NRP1: variants seen among roughly 807,000 people sequenced by gnomAD.
The protein encoded by NRP1 is neuropilin 1, also known as neuropilin-1.
In NRP1, 35 loss-of-function variants were observed where a neutral mutation model predicts 106.7. The observed-to-expected ratio is 0.33, with a 90% CI of 0.25 to 0.43. NRP1 has a LOEUF of 0.43. NRP1 is among the 20% of genes least tolerant of loss of function. The pLI is 1.00. For synonymous variants in NRP1, 437 were observed against 417.9 expected, an observed-to-expected ratio of 1.05 and a Z score of -0.56; for missense variants, 1,024 against 1,170.4, an observed-to-expected ratio of 0.87 and a Z score of 1.83.
chr10:33,315,401 T>G (rs1846951612), intron 2 of NRP1, among the ~76,000 whole-genome samples: 2 of 152,240 alleles, frequency 1.3e-5, no homozygotes, highest in Non-Finnish European at 1.5e-5. Context: ...GGTCTTCCTG[T>G]GCTGGAGGAA....
chr10:33,254,078 G>T lies in NRP1; in HGVS notation c.931C>A (p.Pro311Thr). Residue 311 changes from proline to threonine, a missense_variant, in exon 6 of 17, where the codon CCT (proline) becomes ACT (threonine). Physicochemically the swap from Pro to Thr is conservative, Grantham distance 38. Transcript: ENST00000374867. ...TCTCCGGGAGTCCACCCATTCTCAG[G>T]GTAGTTCAGGCGGGAGCGCTCTGCA... is the stretch of plus-strand genomic sequence containing the variant. ...WSAERSRLNY[P>T]ENGWTPGEDS... 6.2e-7 allele frequency: 1 copy of T among 1,613,802 alleles called. No individual in the cohort carries two copies. Among genetic ancestry groups the T allele is most frequent in the East Asian group, 2.2e-5 (1 of 44,854 alleles).
At position 33,185,577 on chromosome 10, in the gene NRP1, G is replaced by A. The variant is rs374828891; in HGVS notation, c.2431+51C>T. On this transcript the variant is annotated intron_variant, in intron 15 of 16. Transcript: ENST00000374867. Reference sequence around the variant, plus strand: ...AACAAAGACCATCATATTGGCAAGAGTCTTGCCCTGGGCAAGCACTCCATT... The same window carrying A: ...AACAAAGACCATCATATTGGCAAGAATCTTGCCCTGGGCAAGCACTCCATT... The A allele has an allele frequency of 5.9e-4, 806 of 1,370,482 alleles. 2 individuals carry two copies. The highest frequency in any genetic ancestry group is 7.8e-4 in the Non-Finnish European group (749 of 961,938). The allele number at this position is 1,370,482 out of a possible 1,614,324, so 84.9% of individuals were successfully genotyped here.
chr10:33,263,821 G>A lies in NRP1; in HGVS notation c.483C>T (p.Pro161=), dbSNP rs1489288132. The A allele has an allele frequency of 3.1e-6, 5 of 1,613,568 alleles. No homozygotes were observed. The highest frequency in any genetic ancestry group is 2.5e-6 in the Non-Finnish European group (3 of 1,179,528). ...YTTPSGVIKS[P]GFPEKYPNSL... is the part of the protein sequence containing the mutation. ...TGTTGGGATATTTTTCAGGGAATCC[G>A]GGGGACTTTATCACTCCACTAGGTG... Residue 161 remains proline (P), a synonymous_variant, in exon 4 of 17, where the codon CCC becomes CCT. Transcript: ENST00000374867.
At chr10:33,202,345 T>G in intron 11 of NRP1, 2 of 262,858 alleles carry the variant, frequency 7.6e-6, no homozygotes, top group East Asian at 8.0e-5. Context: ...CTCTGATGCA[T>G]TTGCTGGTCG....
intron 2 of NRP1, among the ~76,000 whole-genome samples, chr10:33,306,131 T>C (rs143579080): frequency 7.9e-5 from 12 of 152,338 alleles, no homozygotes; most frequent in African/African-American, 2.9e-4. Context: ...TGATTGTTTA[T>C]ATTAATTTGC....
chr10:33,194,446 T>C (rs1031569761), intron 12 of NRP1: 2 of 222,338 alleles, frequency 9.0e-6, no homozygotes, highest in African/African-American at 4.5e-5. Context: ...TCCATTCTTT[T>C]GGCTCTTCAT....
chr10:33,206,495 A>C (rs1837795384), intron 10 of NRP1: 2 of 314,848 alleles, frequency 6.4e-6, no homozygotes, highest in African/African-American at 4.3e-5. Flanking sequence ...TTGATAGCTC[A>C]AGATTCTGTC....
intron 12 of NRP1, among the ~76,000 whole-genome samples, chr10:33,193,475 T>C (rs1836557052): frequency 6.6e-6 from 1 of 152,194 alleles, no homozygotes; most frequent in Non-Finnish European, 1.5e-5. Flanking sequence ...GCAGCTGTTT[T>C]CTCCAGTGAC....
rs1393567589 is a variant in NRP1 at position 33,263,653 on chromosome 10, G to T, written c.651C>A (p.Phe217Leu). The stretch of plus-strand genomic sequence containing the variant: ...GCTTCCTGTCATTCTTACCATCAGG[G>T]AATCCATCCCAGATTTCTAGCCGGT... The part of the protein sequence containing the change: ...RYDRLEIWDG[F>L]PDVGPHIGRY... Residue 217 changes from phenylalanine (F) to leucine (L), a missense_variant, in exon 4 of 17, where the codon TTC (phenylalanine) becomes TTA (leucine). Physicochemically the swap from Phe to Leu is conservative, Grantham distance 22. This residue lies in a region of NRP1 where 279 missense variants were observed against 327.4 expected (regional missense o/e 0.85). Transcript: ENST00000374867. The T allele has an allele frequency of 1.2e-6, 2 of 1,613,054 alleles. No individual in the cohort carries two copies. The highest frequency in any genetic ancestry group is 1.7e-6 in the Non-Finnish European group (2 of 1,179,150).
At position 33,180,083 on chromosome 10, in the gene NRP1, T is replaced by C; in HGVS notation, c.2765A>G (p.Glu922Gly). The C allele has an allele frequency of 6.2e-7, 1 of 1,613,946 alleles. No homozygotes were observed. The part of the protein sequence containing the change: ...DKLNTQSTYS[E>G]A Reference sequence around the variant, plus strand: ...TTTCATCTCTGTCTGCCTTCATGCCTCCGAATAAGTACTCTGTGTATTCAG... The same window carrying C: ...TTTCATCTCTGTCTGCCTTCATGCCCCCGAATAAGTACTCTGTGTATTCAG... Residue 922 changes from glutamate (E) to glycine (G), a missense_variant, in exon 17 of 17, where the codon GAG (glutamate) becomes GGG (glycine). Physicochemically the swap from Glu to Gly is moderately conservative, Grantham distance 98. This residue lies in a region of NRP1 where 164 missense variants were observed against 161.4 expected (regional missense o/e 1.02). Transcript: ENST00000374867.
chr10:33,328,759 C>T (rs1848068605), intron 2 of NRP1, among the ~76,000 whole-genome samples: 1 of 152,122 alleles, frequency 6.6e-6, no homozygotes, highest in Non-Finnish European at 1.5e-5. Flanking sequence ...TTGGCATGTG[C>T]TACATACAAA....
intron 2 of NRP1, among the ~76,000 whole-genome samples, chr10:33,313,755 G>A (rs1467711275): frequency 6.6e-6 from 1 of 152,048 alleles, no homozygotes; most frequent in Admixed American, 6.6e-5. Flanking sequence ...CATGAAGACC[G>A]CACCGTTAAC....
At chr10:33,254,433 C>T (rs980373421) in intron 5 of NRP1, among the ~76,000 whole-genome samples, 3 of 152,102 alleles carry the variant, frequency 2.0e-5, no homozygotes, top group African/African-American at 7.2e-5. Context: ...GACAAAAAGA[C>T]TATTTGAAAT....
intron 6 of NRP1, among the ~76,000 whole-genome samples, chr10:33,253,758 A>G (rs61760415): frequency 5.9e-5 from 9 of 152,372 alleles, no homozygotes; most frequent in Non-Finnish European, 1.3e-4. Flanking sequence ...TCGGAAGAGT[A>G]GTATATAAGT....
chr10:33,254,397 A>G (rs992746244), intron 5 of NRP1, among the ~76,000 whole-genome samples: 28 of 152,212 alleles, frequency 1.8e-4, no homozygotes, highest in Non-Finnish European at 2.5e-4. Flanking sequence ...ACAGTGATTA[A>G]TAATTTTCCC....
intron 2 of NRP1, among the ~76,000 whole-genome samples, chr10:33,282,750 CTT>C (rs899197034): frequency 4.8e-5 from 7 of 145,264 alleles, no homozygotes; most frequent in Admixed American, 6.9e-5. Context: ...CTGAACTTTT[CTT>C]TTTTTTTTTT....
chr10:33,247,213 C>T (rs891222502), intron 6 of NRP1, among the ~76,000 whole-genome samples: 12 of 152,190 alleles, frequency 7.9e-5, no homozygotes, highest in African/African-American at 2.9e-4. Flanking sequence ...AGCACTCACT[C>T]ATCCCACCTG....
At chr10:33,259,825 G>C (rs934075190) in intron 4 of NRP1, among the ~76,000 whole-genome samples, 2 of 152,074 alleles carry the variant, frequency 1.3e-5, no homozygotes, top group African/African-American at 4.8e-5. Flanking sequence ...AAATAAAAGT[G>C]CTGATCTACT....
chr10:33,287,839 T>C (rs1032384104), intron 2 of NRP1, among the ~76,000 whole-genome samples: 2 of 152,092 alleles, frequency 1.3e-5, no homozygotes, highest in African/African-American at 4.8e-5. Flanking sequence ...GTGGAGAAGG[T>C]AAGAGAAATG....
Sources: allele counts gnomAD v4.1 joint callset (sites outside exome capture counted in the v4.1 genomes callset), GRCh38; gene constraint gnomAD v4.1.1; regional missense constraint gnomAD v4.1.1; transcripts MANE v1.5; gene names NCBI Gene and HGNC (gene_info 2026-07-23, HGNC 2026-07-21).